Variants in SLC43A2 observed in about 807,000 individuals in gnomAD.
SLC43A2 encodes large neutral amino acids transporter small subunit 4.
SLC43A2 carries 38 observed loss-of-function variants against 63.2 expected under a neutral mutation model. The observed-to-expected ratio is 0.60, with a 90% CI of 0.46 to 0.79. The LOEUF is 0.79. SLC43A2 is among the 30% of genes least tolerant of loss of function. The probability of loss-of-function intolerance (pLI) is 0.00; values close to 1 mark genes in which losing one functional copy is unlikely to be tolerated. For synonymous variants in SLC43A2, 322 were observed against 331.0 expected (o/e 0.97, Z 0.30); for missense variants, 644 against 756.2 (o/e 0.85, Z 1.74).
At chr17:1,604,874 C>CGT in intron 5 of SLC43A2, 8 of 1,535,490 alleles carry the variant, frequency 5.2e-6, no homozygotes, top group Non-Finnish European at 7.0e-6. Context: ...TCGCTCACTC[C>CGT]GTCCCCAGCT....
intron 4 of SLC43A2, among the ~76,000 whole-genome samples, chr17:1,614,702 A>G (rs1020359549): frequency 6.6e-6 from 1 of 151,972 alleles, no homozygotes; most frequent in African/African-American, 2.4e-5. Flanking sequence ...TGGTTCTTAG[A>G]ACTTGCCTCT....
intron 9 of SLC43A2, among the ~76,000 whole-genome samples, chr17:1,586,578 C>G (rs2076105845): frequency 6.6e-6 from 1 of 152,024 alleles, no homozygotes. Context: ...ACCTGTAACC[C>G]CAGCTACTCA....
chr17:1,606,083 G>A lies in SLC43A2; in HGVS notation c.501+7112C>T, dbSNP rs191245388. On this transcript the variant is annotated intron_variant, in intron 5 of 13. Coordinates refer to ENST00000301335, the MANE Select transcript of SLC43A2 (RefSeq NM_152346.3). The surrounding 1 kb of genome is among the most constrained non-coding windows in gnomAD (Gnocchi z 4.7). Reference sequence around the variant, plus strand: ...GACAGAAAGAGAGGAAGGTGGGGAGGCACAGCAGGCACTGGGCACTGGCAA... The same window carrying A: ...GACAGAAAGAGAGGAAGGTGGGGAGACACAGCAGGCACTGGGCACTGGCAA... 6.6e-6 allele frequency among the ~76,000 whole-genome samples: 1 copy of A among 152,282 alleles called. No homozygotes were observed. Among genetic ancestry groups the A allele is most frequent in the African/African-American group, 2.4e-5 (1 of 41,558 alleles).
At position 1,591,937 on chromosome 17, in the gene SLC43A2, G is replaced by T. The variant is rs76141883; in HGVS notation, c.595-238C>A. ...TGGCGTGTGATTAGCCCCCCGACTC[G>T]GAGGCCTTCCTGACCGCCCCGCCAT... On this transcript the variant is annotated intron_variant, in intron 6 of 13. Transcript: ENST00000301335. Among the ~76,000 whole-genome samples, 667 of 152,310 alleles carry T rather than the reference G, an allele frequency of 4.4e-3. 14 individuals are homozygous for T. The East Asian group carries it at 0.065, about 15-fold the overall frequency.
At chr17:1,596,725 G>C (rs767066717) in intron 5 of SLC43A2, among the ~76,000 whole-genome samples, 6 of 152,026 alleles carry the variant, frequency 3.9e-5, no homozygotes, top group Non-Finnish European at 8.8e-5. Flanking sequence ...TCCCATTGCA[G>C]GTATGTGCCA....
chr17:1,611,722 G>T (rs924112425), intron 5 of SLC43A2, among the ~76,000 whole-genome samples: 26 of 152,208 alleles, frequency 1.7e-4, no homozygotes, highest in Admixed American at 6.5e-4. Flanking sequence ...GCACGACAAG[G>T]GAAATCAGAA....
intron 2 of SLC43A2, among the ~76,000 whole-genome samples, chr17:1,621,103 TAGG>T (rs1255534781): frequency 6.6e-6 from 1 of 151,930 alleles, no homozygotes; most frequent in African/African-American, 2.4e-5. Context: ...CAGGGCTGCT[TAGG>T]AGGAGACCCA....
chr17:1,623,613 C>T (rs1167588852), intron 2 of SLC43A2, among the ~76,000 whole-genome samples: 1 of 151,652 alleles, frequency 6.6e-6, no homozygotes, highest in Non-Finnish European at 1.5e-5. Context: ...CTCCTCTCCT[C>T]CAGGGTGTAC....
chr17:1,585,711 A>AT (rs1567615575), intron 10 of SLC43A2: 1 of 1,519,248 alleles, frequency 6.6e-7, no homozygotes, highest in Admixed American at 2.0e-5. Flanking sequence ...TTTCCATTGC[A>AT]TTCCAAACAA....
chr17:1,622,651 C>T (rs537522162), intron 2 of SLC43A2, among the ~76,000 whole-genome samples: 9 of 152,086 alleles, frequency 5.9e-5, no homozygotes, highest in East Asian at 3.9e-4. Context: ...CAGTGGCTCA[C>T]GCCTGTAATC....
chr17:1,604,978 GGGCCTCGAGGGCT>G, intron 5 of SLC43A2: 1 of 1,448,848 alleles, frequency 6.9e-7, no homozygotes, highest in African/African-American at 1.4e-5. Flanking sequence ...GCCCTAGCGC[GGGCCTCGAGGGCT>G]GGCGGAGGGG....
chr17:1,610,119 G>A (rs530824525), intron 5 of SLC43A2, among the ~76,000 whole-genome samples: 1 of 151,782 alleles, frequency 6.6e-6, no homozygotes, highest in Non-Finnish European at 1.5e-5. Context: ...ATTTCACCAT[G>A]TTGGCCAGGC....
At chr17:1,599,917 G>A (rs1227853339) in intron 5 of SLC43A2, among the ~76,000 whole-genome samples, 8 of 144,730 alleles carry the variant, frequency 5.5e-5, no homozygotes, top group Middle Eastern at 4.1e-3. Flanking sequence ...GGTGGCGGGC[G>A]CCTGTAGTCC....
intron 2 of SLC43A2, among the ~76,000 whole-genome samples, chr17:1,624,560 C>G (rs1908482620): frequency 6.6e-6 from 1 of 151,972 alleles, no homozygotes. Flanking sequence ...AAAAATTAGC[C>G]GGGCGTGGTG....
At chr17:1,586,524 G>A (rs1290021440) in intron 9 of SLC43A2, among the ~76,000 whole-genome samples, 14 of 152,020 alleles carry the variant, frequency 9.2e-5, no homozygotes, top group African/African-American at 2.9e-4. Flanking sequence ...GTGAAACCCC[G>A]TCTCTACTAA....
In SLC43A2 at chr17:1,583,289, G is replaced by A. The variant is rs145630054; in HGVS notation, c.1265C>T (p.Thr422Ile). Residue 422 changes from threonine (T) to isoleucine (I), a missense_variant, in exon 11 of 14, where the codon ACT becomes ATT. By Grantham distance (89) the Thr-to-Ile change is moderately conservative (BLOSUM62 -1). Coordinates refer to ENST00000301335, the MANE Select transcript of SLC43A2 (RefSeq NM_152346.3). The surrounding 1 kb of genome is among the most constrained non-coding windows in gnomAD (Gnocchi z 5.5). Reference sequence around the variant, plus strand: ...GAAGGCGAAGGCCCGCATGGCATTAGTGATCTTCTGGATCTGCCGGTCCCG... The same window carrying A: ...GAAGGCGAAGGCCCGCATGGCATTAATGATCTTCTGGATCTGCCGGTCCCG... ...KKRDRQIQKI[T>I]NAMRAFAFTN... 1.5e-4 allele frequency: 235 copies of A among 1,614,206 alleles called. 1 individual carries two copies. In the African/African-American group the frequency reaches 2.9e-3, roughly 20 times the overall value.
At chr17:1,621,164 C>G (rs150672956) in intron 2 of SLC43A2, among the ~76,000 whole-genome samples, 260 of 152,306 alleles carry the variant, frequency 1.7e-3, no homozygotes, top group African/African-American at 6.1e-3. Flanking sequence ...AGAAGACGCA[C>G]AAGATCTTTA....
At chr17:1,600,173 C>T (rs750851858) in intron 5 of SLC43A2, among the ~76,000 whole-genome samples, 93 of 39,062 alleles carry the variant, frequency 2.4e-3, no homozygotes, top group Non-Finnish European at 3.5e-3. Context: ...TTTTTTGAGA[C>T]GGAGTCTGGC....
intron 5 of SLC43A2, chr17:1,604,766 C>G: frequency 6.5e-7 from 1 of 1,535,826 alleles, no homozygotes; most frequent in Non-Finnish European, 8.7e-7. Flanking sequence ...CGGCTGACCT[C>G]CCCATGGTCC....
Sources: gnomAD v4.1 joint callset for allele counts (sites outside exome capture counted in the v4.1 genomes callset) on GRCh38, gnomAD v4.1.1 for gene constraint, Gnocchi (gnomAD v3.1) non-coding constraint, MANE v1.5 for transcripts, NCBI Gene and HGNC (gene_info 2026-07-23, HGNC 2026-07-21) for gene names.